The following RYR3 variants were observed in gnomAD, a reference collection of about 807,000 sequenced individuals.
The protein encoded by RYR3 is brain ryanodine receptor-calcium release channel.
Under a neutral mutation model 584.3 loss-of-function variants are expected in RYR3, and 207 were observed. That is an observed-to-expected ratio of 0.35 (90% CI 0.32 to 0.40). The LOEUF (loss-of-function observed/expected upper bound fraction) is 0.40, where lower values mean the gene tolerates loss of function less well. Ranked by LOEUF, RYR3 falls within the 10% of genes least tolerant of loss-of-function variation. The pLI, the probability that RYR3 is intolerant of heterozygous loss-of-function variation, is 1.00. For missense variants in RYR3, 5,616 were observed against 6,089.2 expected (o/e 0.92, Z 2.59); for synonymous variants, 2,416 against 2,248.5 (o/e 1.07, Z -2.11).
chr15:33,488,338 G>A (rs1161834039), intron 2 of RYR3, among the ~76,000 whole-genome samples: 4 of 151,940 alleles, frequency 2.6e-5, no homozygotes, highest in East Asian at 3.9e-4. Context: ...CCTCTGTCAC[G>A]CTTAGTACTT....
chr15:33,493,944 A>G (rs1372135334), intron 2 of RYR3, among the ~76,000 whole-genome samples: 1 of 152,158 alleles, frequency 6.6e-6, no homozygotes, highest in Non-Finnish European at 1.5e-5. Context: ...GATGATGATG[A>G]TGATGATATT....
Position 33,823,063 on chromosome 15 carries a change from A to T in RYR3, c.11063A>T (p.Gln3688Leu). The change falls in exon 81 of 104, where the codon CAG becomes CTG. Residue 3688 changes from glutamine (Q) to leucine (L), a missense_variant. Coordinates refer to ENST00000634891, the MANE Select transcript of RYR3 (RefSeq NM_001036.6). ...TTTCAAAGCCTTTCTGGTCTTATGC[A>T]GTCTTGCAGGTAAATGCGGGAAAAC... ...GFFQSLSGLMQSCSVLDLNAF... is the reference protein window; with the variant it reads ...GFFQSLSGLMLSCSVLDLNAF... The T allele has an allele frequency of 6.2e-7, 1 of 1,613,026 alleles. No individual in the cohort carries two copies. The highest frequency in any genetic ancestry group is 8.5e-7 in the Non-Finnish European group (1 of 1,179,376).
At position 33,838,009 on chromosome 15, in the gene RYR3, G is replaced by A. The variant is rs202140253; in HGVS notation, c.12029G>A (p.Arg4010His). ...TCTGAACACATGCCAAACGATTCCC[G>A]CCTGAAGTGTCTGTTGGACCCAGCA... is the stretch of plus-strand genomic sequence containing the variant. Reference protein sequence around the residue: ...NLSEHMPNDSRLKCLLDPAES... With the variant: ...NLSEHMPNDSHLKCLLDPAES... The change falls in exon 89 of 104, where the codon CGC becomes CAC. Residue 4010 changes from arginine to histidine, a missense_variant. Transcript: ENST00000634891. The A allele has an allele frequency of 1.5e-4, 246 of 1,613,860 alleles. No individual in the cohort carries two copies. The highest frequency in any genetic ancestry group is 3.1e-4 in the African/African-American group (23 of 74,900).
intron 1 of RYR3, among the ~76,000 whole-genome samples, chr15:33,471,719 G>T (rs2048948991): frequency 6.6e-6 from 1 of 151,856 alleles, no homozygotes; most frequent in Non-Finnish European, 1.5e-5. Flanking sequence ...TAACTGTGGT[G>T]GGGGAGACAC....
chr15:33,505,914 C>T (rs930927678), intron 3 of RYR3, among the ~76,000 whole-genome samples: 2 of 152,172 alleles, frequency 1.3e-5, no homozygotes, highest in Non-Finnish European at 2.9e-5. Context: ...CTAGACCCAG[C>T]CTACCATGGT....
intron 38 of RYR3, among the ~76,000 whole-genome samples, chr15:33,679,797 A>G (rs911187671): frequency 2.6e-5 from 4 of 152,220 alleles, no homozygotes; most frequent in African/African-American, 9.6e-5. Flanking sequence ...GGCTCTGGGA[A>G]AATGAGTAAT....
At chr15:33,711,693 T>C (rs964961189) in intron 43 of RYR3, among the ~76,000 whole-genome samples, 5 of 152,210 alleles carry the variant, frequency 3.3e-5, no homozygotes, top group African/African-American at 1.2e-4. Flanking sequence ...TGCATGACCT[T>C]TGCTCCAATT....
intron 42 of RYR3, 33 bp from the exon 43 acceptor site, chr15:33,706,885 GT>G: frequency 6.4e-7 from 1 of 1,561,716 alleles, no homozygotes; most frequent in Non-Finnish European, 8.7e-7. Flanking sequence ...ATCCTAATGC[GT>G]GCGAAAGAAC....
chr15:33,834,284 A>AC (rs1176750927), intron 86 of RYR3, among the ~76,000 whole-genome samples: 2 of 104,200 alleles, frequency 1.9e-5, no homozygotes. Context: ...AATCTGTCTT[A>AC]AACACACACA....
chr15:33,520,526 T>C (rs1210285158), intron 3 of RYR3, among the ~76,000 whole-genome samples: 1 of 151,942 alleles, frequency 6.6e-6, no homozygotes, highest in African/African-American at 2.4e-5. Context: ...GACAGGCTCC[T>C]TTTATGCAAA....
chr15:33,526,073 G>T (rs751081233), intron 3 of RYR3, among the ~76,000 whole-genome samples: 25 of 152,108 alleles, frequency 1.6e-4, no homozygotes, highest in Non-Finnish European at 3.4e-4. Context: ...TGGAATTTAG[G>T]GTTCGAGATG....
intron 19 of RYR3, among the ~76,000 whole-genome samples, chr15:33,622,728 A>G (rs2060790430): frequency 6.6e-6 from 1 of 152,048 alleles, no homozygotes. Flanking sequence ...TTACTGTTGA[A>G]CCTCCAGAGC....
intron 76 of RYR3, 53 bp from the exon 77 acceptor site, chr15:33,819,702 AT>A (rs1461604055): frequency 1.0e-6 from 1 of 963,130 alleles, no homozygotes; most frequent in Non-Finnish European, 1.4e-6. Context: ...AAATAAATAA[AT>A]AAATAAATAA....
Position 33,865,509 on chromosome 15 carries a change from G to C in RYR3, c.*283G>C. On this transcript the variant is annotated 3_prime_UTR_variant, in exon 104 of 104. Transcript: ENST00000634891. ...AAGTTTTCCAGTTCTGAGGTAACTA[G>C]TTCAGTTTGTTGGGATGGAAGCATG... 3.0e-6 allele frequency: 1 copy of C among 332,508 alleles called. No individual in the cohort carries two copies. Among genetic ancestry groups the C allele is most frequent in the Non-Finnish European group, 5.5e-6 (1 of 180,374 alleles). 20.6% of individuals were successfully genotyped at this position (332,508 alleles called of 1,614,324 possible).
intron 1 of RYR3, among the ~76,000 whole-genome samples, chr15:33,464,463 GAT>G (rs569756898): frequency 0.037 from 2,946 of 79,108 alleles, 165 homozygotes; most frequent in African/African-American, 0.14. Context: ...GGGAGGTGGA[GAT>G]ATATATATAT....
chr15:33,819,756 C>T lies in RYR3; in HGVS notation c.10707C>T (p.Ser3569=). Residue 3569 remains serine (S), a splice_region_variant and synonymous_variant, in exon 77 of 104, where the codon AGC becomes AGT. Coordinates refer to ENST00000634891, the MANE Select transcript of RYR3 (RefSeq NM_001036.6). ...TAAATATTTCCTCCATTCTTTCCAGCAAATTGGAAGACGACCCTTTGTACA... is the reference window on the plus strand; with the variant it reads ...TAAATATTTCCTCCATTCTTTCCAGTAAATTGGAAGACGACCCTTTGTACA... The part of the protein sequence containing the change: ...YFSRNALTER[S]KLEDDPLYTS... 1 of 1,520,558 alleles carries T rather than the reference C, an allele frequency of 6.6e-7. No individual in the cohort carries two copies. The allele number at this position is 1,520,558 out of a possible 1,614,324, so 94.2% of individuals were successfully genotyped here. A position where few individuals can be genotyped will look rare whatever the true frequency, so the allele number is the denominator to read the frequency against.
intron 27 of RYR3, among the ~76,000 whole-genome samples, chr15:33,642,064 C>T (rs554216353): frequency 3.0e-4 from 46 of 152,276 alleles, no homozygotes; most frequent in Non-Finnish European, 5.7e-4. Context: ...TAGTTTTAGC[C>T]TTATTAAAGT....
intron 42 of RYR3, among the ~76,000 whole-genome samples, chr15:33,702,608 A>G (rs2066387684): frequency 6.6e-6 from 1 of 152,108 alleles, no homozygotes; most frequent in Admixed American, 6.5e-5. Context: ...TGGCATTGTC[A>G]AGTAGGGAAT....
chr15:33,836,189 C>T (rs369255745), intron 87 of RYR3, among the ~76,000 whole-genome samples: 2 of 144,962 alleles, frequency 1.4e-5, no homozygotes, highest in Admixed American at 6.9e-5. Flanking sequence ...CTTTTCTTTC[C>T]TTTTTTTTGT....
Sources: allele counts gnomAD v4.1 joint callset (sites outside exome capture counted in the v4.1 genomes callset), GRCh38; gene constraint gnomAD v4.1.1; transcripts MANE v1.5; gene names NCBI Gene and HGNC (gene_info 2026-07-23, HGNC 2026-07-21).